NANOGNB: variants seen among roughly 807,000 people sequenced by gnomAD.
NANOGNB encodes homeobox C14.
Under a neutral mutation model 25.0 loss-of-function variants are expected in NANOGNB, and 30 were observed. The ratio of observed to expected loss-of-function variants is 1.20; its 90% CI spans 0.90 to 1.63. NANOGNB has a LOEUF of 1.63. NANOGNB is among the 40% of genes most tolerant of loss of function. The pLI, the probability that NANOGNB is intolerant of heterozygous loss-of-function variation, is 0.00. For synonymous variants in NANOGNB, 84 were observed against 62.1 expected, an observed-to-expected ratio of 1.35 and a Z score of -1.66; for missense variants, 200 against 188.1, an observed-to-expected ratio of 1.06 and a Z score of -0.37.
chr12:7,773,792 T>C lies in NANOGNB; in HGVS notation c.516-8T>C. 1 of 645,120 alleles carries C rather than the reference T, an allele frequency of 1.6e-6. No individual in the cohort carries two copies. The highest frequency in any genetic ancestry group is 1.9e-5 in the African/African-American group (1 of 52,366). The allele number at this position is 645,120 out of a possible 1,614,324, so 40.0% of individuals were successfully genotyped here. ...GAAACTCTTTTTTTTTTTTTTTTTT[T>C]TAAACAGATGGAGATCTCTGTGTTG... is the stretch of plus-strand genomic sequence containing the variant. On this transcript the variant is annotated splice_polypyrimidine_tract_variant and splice_region_variant and intron_variant, in intron 3 of 3. Coordinates refer to ENST00000382119, the MANE Select transcript of NANOGNB (RefSeq NM_001145465.1).
At position 7,772,922 on chromosome 12, in the gene NANOGNB, C is replaced by G. The variant is rs779534146; in HGVS notation, c.516-878C>G. ...TAAGGAAGTATTCCAGGCCCAGGAT[C>G]TATTCTTATGCGGCCAAGTGGGGAT... is the stretch of plus-strand genomic sequence containing the variant. On this transcript the variant is annotated intron_variant, in intron 3 of 3. Transcript: ENST00000382119. Among the ~76,000 whole-genome samples, 44 of 152,110 alleles carry G rather than the reference C, an allele frequency of 2.9e-4. No individual in the cohort carries two copies. In the South Asian group the frequency reaches 8.7e-3, roughly 30 times the overall value.
rs1865282113 is a variant in NANOGNB at position 7,770,322 on chromosome 12, CA to C, written c.435+9del. The C allele has an allele frequency of 6.5e-7, 1 of 1,526,910 alleles. No individual in the cohort carries two copies. The highest frequency in any genetic ancestry group is 1.4e-5 in the African/African-American group (1 of 71,592). The allele number at this position is 1,526,910 out of a possible 1,614,324, so 94.6% of individuals were successfully genotyped here. A position where few individuals can be genotyped will look rare whatever the true frequency, so the allele number is the denominator to read the frequency against. On this transcript the variant is annotated splice_region_variant and intron_variant, in intron 2 of 3. Transcript: ENST00000382119. The stretch of plus-strand genomic sequence containing the variant: ...TGACATGACACATAAACAGGTATGA[CA>C]ACATTAATAGACATTTCTTCATTGA...
chr12:7,765,488 T>A lies in NANOGNB; in HGVS notation c.102+101T>A, dbSNP rs917418987. ...TGGAGGCTGAGGCGGGAGAATGGCG[T>A]GAACCCGGGAGGCGGAGCTTGCAGT... On this transcript the variant is annotated intron_variant, in intron 1 of 3. Coordinates refer to ENST00000382119, the MANE Select transcript of NANOGNB (RefSeq NM_001145465.1). 1.2e-4 allele frequency: 29 copies of A among 236,886 alleles called. No homozygotes were observed. The Admixed American group carries it at 1.7e-3, about 13-fold the overall frequency. The allele number at this position is 236,886 out of a possible 1,614,324, so 14.7% of individuals were successfully genotyped here.
chr12:7,765,247 C>G lies in NANOGNB; in HGVS notation c.-39C>G, dbSNP rs1027803122. The G allele has an allele frequency of 7.8e-7, 1 of 1,288,478 alleles. No individual in the cohort carries two copies. Among genetic ancestry groups the G allele is most frequent in the Non-Finnish European group, 1.0e-6 (1 of 988,154 alleles). 79.8% of individuals were successfully genotyped at this position (1,288,478 alleles called of 1,614,324 possible). ...CTTATCTGGTCGGTCATCTCTGTAA[C>G]CTCCCTACCAAGGACTAATTGGTCT... On this transcript the variant is annotated 5_prime_UTR_variant, in exon 1 of 4. Transcript: ENST00000382119.
chr12:7,767,840 C>A (rs1865259219), intron 1 of NANOGNB, among the ~76,000 whole-genome samples: 1 of 150,874 alleles, frequency 6.6e-6, no homozygotes, highest in Admixed American at 6.7e-5. Flanking sequence ...GGACTCACTG[C>A]AGCCTTGACC....
intron 3 of NANOGNB, among the ~76,000 whole-genome samples, chr12:7,773,201 C>A (rs2120523771): frequency 6.7e-6 from 1 of 149,414 alleles, no homozygotes; most frequent in African/African-American, 2.5e-5. Flanking sequence ...CAGTGATCCT[C>A]CCACCTCAGC....
At chr12:7,770,603 G>A (rs1196500827) in intron 3 of NANOGNB, 85 bp downstream of exon 3, 1 of 866,214 alleles carries the variant, frequency 1.2e-6, no homozygotes, top group Non-Finnish European at 1.7e-6. Context: ...ATCATTATTG[G>A]GTATGCCCAT....
chr12:7,769,604 T>A (rs1592110190), intron 1 of NANOGNB, among the ~76,000 whole-genome samples: 1 of 151,880 alleles, frequency 6.6e-6, no homozygotes, highest in African/African-American at 2.4e-5. Context: ...ATTACAGGCG[T>A]GAGCCACCAC....
At chr12:7,768,336 C>T (rs767760533) in intron 1 of NANOGNB, among the ~76,000 whole-genome samples, 7 of 152,084 alleles carry the variant, frequency 4.6e-5, no homozygotes, top group African/African-American at 1.7e-4. Flanking sequence ...TTTAGGATTG[C>T]TAGCATTTTG....
intron 3 of NANOGNB, among the ~76,000 whole-genome samples, chr12:7,771,283 C>A (rs148597261): frequency 6.6e-6 from 1 of 151,230 alleles, no homozygotes; most frequent in African/African-American, 2.4e-5. Flanking sequence ...TGCAGTGGCG[C>A]GATCTCGGCT....
intron 1 of NANOGNB, among the ~76,000 whole-genome samples, chr12:7,766,599 A>AAACTG (rs1279146001): frequency 3.3e-5 from 5 of 152,256 alleles, no homozygotes; most frequent in Non-Finnish European, 7.3e-5. Flanking sequence ...TTGTTTCTTG[A>AAACTG]GTCACAGTCT....
intron 3 of NANOGNB, among the ~76,000 whole-genome samples, 164 bp downstream of exon 3, chr12:7,770,682 G>A (rs1469755734): frequency 6.6e-6 from 1 of 151,912 alleles, no homozygotes; most frequent in African/African-American, 2.4e-5. Context: ...GCGCCATCTC[G>A]GCTCACCGCA....
chr12:7,768,550 C>G (rs1299857001), intron 1 of NANOGNB, among the ~76,000 whole-genome samples: 1 of 151,506 alleles, frequency 6.6e-6, no homozygotes, highest in Non-Finnish European at 1.5e-5. Flanking sequence ...GGGATTCTCG[C>G]TCTGTCATCC....
At chr12:7,766,986 G>A (rs532822932) in intron 1 of NANOGNB, among the ~76,000 whole-genome samples, 3 of 151,600 alleles carry the variant, frequency 2.0e-5, no homozygotes, top group Non-Finnish European at 4.4e-5. Flanking sequence ...GACTACAGGC[G>A]TGCGCCACCA....
chr12:7,772,706 C>T (rs1055938799), intron 3 of NANOGNB, among the ~76,000 whole-genome samples: 1 of 151,688 alleles, frequency 6.6e-6, no homozygotes, highest in Non-Finnish European at 1.5e-5. Flanking sequence ...GCATTAGCCT[C>T]CCTAGTAGCT....
intron 2 of NANOGNB, 52 bp downstream of exon 2, chr12:7,770,367 T>A (rs1865282336): frequency 6.6e-7 from 1 of 1,522,002 alleles, no homozygotes; most frequent in Non-Finnish European, 8.8e-7. Flanking sequence ...GTCACTTGTA[T>A]AGTACTATTG....
intron 1 of NANOGNB, among the ~76,000 whole-genome samples, chr12:7,766,595 C>G (rs897757223): frequency 1.3e-5 from 2 of 152,202 alleles, no homozygotes; most frequent in Non-Finnish European, 2.9e-5. Context: ...GTTTTTGTTT[C>G]TTGAGTCACA....
intron 1 of NANOGNB, 22 bp from the exon 2 acceptor site, chr12:7,769,961 T>C (rs1865276511): frequency 2.7e-6 from 4 of 1,473,136 alleles, no homozygotes; most frequent in Non-Finnish European, 3.6e-6. Flanking sequence ...CTTGATTTTA[T>C]TCCACGGATC....
intron 1 of NANOGNB, among the ~76,000 whole-genome samples, chr12:7,767,841 A>G (rs1187142706): frequency 6.8e-6 from 1 of 147,946 alleles, no homozygotes; most frequent in African/African-American, 2.5e-5. Context: ...GACTCACTGC[A>G]GCCTTGACCT....
Sources: gnomAD v4.1 joint callset for allele counts (sites outside exome capture counted in the v4.1 genomes callset) on GRCh38, gnomAD v4.1.1 for gene constraint, MANE v1.5 for transcripts, NCBI Gene and HGNC (gene_info 2026-07-23, HGNC 2026-07-21) for gene names.